Variants in RPRD2 observed in about 807,000 individuals in gnomAD.
RPRD2 encodes the protein regulation of nuclear pre-mRNA domain-containing protein 2.
RPRD2 carries 12 observed loss-of-function variants against 104.4 expected under a neutral mutation model. The observed-to-expected ratio is 0.11, with a 90% CI of 0.07 to 0.19. The LOEUF (loss-of-function observed/expected upper bound fraction) is 0.19, where lower values mean the gene tolerates loss of function less well. Among genes scored for constraint, RPRD2 ranks in the 10% least tolerant of loss-of-function variants. The pLI, the probability that RPRD2 is intolerant of heterozygous loss-of-function variation, is 1.00. For synonymous variants in RPRD2, 714 were observed against 684.9 expected, an observed-to-expected ratio of 1.04 and a Z score of -0.66; for missense variants, 1,543 against 1,790.1, an observed-to-expected ratio of 0.86 and a Z score of 2.49.
In RPRD2 at chr1:150,461,255, T is replaced by A. The variant is rs587599740; in HGVS notation, c.1411+938T>A. Among the ~76,000 whole-genome samples the A allele has an allele frequency of 2.0e-3, 310 of 151,372 alleles. 1 individual carries two copies. The highest frequency in any genetic ancestry group is 6.9e-3 in the Middle Eastern group (2 of 288). On this transcript the variant is annotated intron_variant, in intron 9 of 10. Coordinates refer to ENST00000369068, the MANE Select transcript of RPRD2 (RefSeq NM_015203.5). ...AATAAAAAATTTTAAATGAAAAAAA[T>A]TTTTTAATAAATATCTATAATCCTG...
Position 150,472,196 on chromosome 1 carries a change from C to G in RPRD2, c.3248C>G (p.Ala1083Gly). The G allele has an allele frequency of 6.2e-7, 1 of 1,613,926 alleles. No individual in the cohort carries two copies. Among genetic ancestry groups the G allele is most frequent in the Non-Finnish European group, 8.5e-7 (1 of 1,179,874 alleles). Reference sequence around the variant, plus strand: ...CCTGATAGCACAGAAGAAAAGGGGGCCCCTATAGAAACCTTGGGTTATCAC... The same window carrying G: ...CCTGATAGCACAGAAGAAAAGGGGGGCCCTATAGAAACCTTGGGTTATCAC... ...DLPDSTEEKG[A>G]PIETLGYHSA... Residue 1083 changes from alanine (A) to glycine (G), a missense_variant, in exon 11 of 11, where the codon GCC becomes GGC. Transcript: ENST00000369068.
At chr1:150,447,024 C>T (rs1198883617) in intron 7 of RPRD2, among the ~76,000 whole-genome samples, 1 of 151,732 alleles carries the variant, frequency 6.6e-6, no homozygotes, top group Admixed American at 6.6e-5. Context: ...TTAGTAGAGA[C>T]GAGGTTTCTC....
intron 1 of RPRD2, among the ~76,000 whole-genome samples, chr1:150,377,611 AAAC>A (rs1660815825): frequency 6.6e-6 from 1 of 152,064 alleles, no homozygotes; most frequent in East Asian, 1.9e-4. Context: ...AAAAAAAAAA[AAAC>A]ATTTAGTAAG....
intron 10 of RPRD2, among the ~76,000 whole-genome samples, chr1:150,466,635 TTA>T (rs1668302393): frequency 6.6e-6 from 1 of 152,034 alleles, no homozygotes; most frequent in East Asian, 1.9e-4. Flanking sequence ...ATTTTATTTA[TTA>T]TTTTATTAGA....
intron 2 of RPRD2, among the ~76,000 whole-genome samples, chr1:150,418,571 C>T (rs1664535882): frequency 6.6e-6 from 1 of 152,066 alleles, no homozygotes. Context: ...ACAGTGTATT[C>T]CTATGAAATG....
At chr1:150,457,139 A>G in intron 7 of RPRD2, 149 bp from the exon 8 acceptor site, 1 of 662,634 alleles carries the variant, frequency 1.5e-6, no homozygotes, top group Non-Finnish European at 2.5e-6. Context: ...TAGAAGGATC[A>G]CTTCAACCCA....
chr1:150,448,426 C>A (rs1666940088), intron 7 of RPRD2, among the ~76,000 whole-genome samples: 1 of 152,164 alleles, frequency 6.6e-6, no homozygotes, highest in Admixed American at 6.6e-5. Context: ...ACCTCAGCCT[C>A]TCAAAGTGAT....
chr1:150,389,679 G>A (rs1661913271), intron 1 of RPRD2, among the ~76,000 whole-genome samples: 3 of 152,102 alleles, frequency 2.0e-5, no homozygotes, highest in East Asian at 1.9e-4. Flanking sequence ...GAGTTATGCC[G>A]TCTACCTCCT....
chr1:150,389,533 T>C (rs1661901027), intron 1 of RPRD2, among the ~76,000 whole-genome samples: 1 of 152,180 alleles, frequency 6.6e-6, no homozygotes, highest in Admixed American at 6.5e-5. Flanking sequence ...GTCCATCCTA[T>C]CAACATGTTT....
At chr1:150,368,613 G>A (rs969692833) in intron 1 of RPRD2, among the ~76,000 whole-genome samples, 19 of 151,918 alleles carry the variant, frequency 1.3e-4, no homozygotes, top group Admixed American at 2.6e-4. Flanking sequence ...ACAGGCATGC[G>A]CCACCATGCC....
intron 5 of RPRD2, among the ~76,000 whole-genome samples, chr1:150,443,737 G>A (rs897673652): frequency 5.3e-5 from 8 of 152,116 alleles, no homozygotes; most frequent in Non-Finnish European, 8.8e-5. Flanking sequence ...TGGGCGCGGT[G>A]GCTCACGCCT....
rs1666366963 is a variant in RPRD2 at position 150,440,858 on chromosome 1, A to G, written c.336-65A>G. Reference sequence around the variant, plus strand: ...TAATTTTATTGATAACTTTATTTTCAGATTTCTAGTTTGGAGTAGAAGTCA... The same window carrying G: ...TAATTTTATTGATAACTTTATTTTCGGATTTCTAGTTTGGAGTAGAAGTCA... On this transcript the variant is annotated intron_variant, in intron 2 of 10. Coordinates refer to ENST00000369068, the MANE Select transcript of RPRD2 (RefSeq NM_015203.5). 7 of 767,112 alleles carry G rather than the reference A, an allele frequency of 9.1e-6. No individual in the cohort carries two copies. The South Asian group carries it at 1.2e-4, about 13-fold the overall frequency. The allele number at this position is 767,112 out of a possible 1,614,324, so 47.5% of individuals were successfully genotyped here.
Position 150,472,393 on chromosome 1 carries a change from G to T in RPRD2, c.3445G>T (p.Ala1149Ser). Residue 1149 changes from alanine (A) to serine (S), a missense_variant, in exon 11 of 11, where the codon GCA (alanine) becomes TCA (serine). This residue lies in a region of RPRD2 where 880 missense variants were observed against 885.6 expected (regional missense o/e 0.99). Transcript: ENST00000369068. ...DNGPSSASEL[A>S]SLGGGGSGGL... ...TGGCCCTTCAAGTGCCTCTGAGTTG[G>T]CATCCCTTGGGGGTGGGGGCAGCGG... 6.2e-7 allele frequency: 1 copy of T among 1,613,996 alleles called. No homozygotes were observed. Among genetic ancestry groups the T allele is most frequent in the Non-Finnish European group, 8.5e-7 (1 of 1,179,888 alleles).
intron 1 of RPRD2, among the ~76,000 whole-genome samples, chr1:150,398,517 C>A (rs1057237820): frequency 6.8e-6 from 1 of 147,206 alleles, no homozygotes; most frequent in Non-Finnish European, 1.5e-5. Flanking sequence ...ATTTTATTTC[C>A]TTCCTTCTTT....
rs1368797566 is a variant in RPRD2, at chr1:150,471,291, G to A, written c.2343G>A (p.Glu781=). Residue 781 remains glutamate, a synonymous_variant, in exon 11 of 11, where the codon GAG becomes GAA. Transcript: ENST00000369068. The surrounding 1 kb of genome is among the most constrained non-coding windows in gnomAD (Gnocchi z 5.3). The part of the protein sequence containing the change: ...PPGRDESYPR[E]LSNSVSTYRP... ...GGAGAGATGAAAGCTACCCCCGAGA[G>A]CTCTCCAATTCTGTATCTACATATC... is the stretch of plus-strand genomic sequence containing the variant. 2 of 1,613,772 alleles carry A rather than the reference G, an allele frequency of 1.2e-6. No individual in the cohort carries two copies. The highest frequency in any genetic ancestry group is 1.1e-5 in the South Asian group (1 of 91,050).
At chr1:150,455,331 G>A (rs1036968856) in intron 7 of RPRD2, among the ~76,000 whole-genome samples, 14 of 151,908 alleles carry the variant, frequency 9.2e-5, no homozygotes, top group East Asian at 1.9e-4. Flanking sequence ...GTGAAACCCC[G>A]TCTCTACTAA....
intron 2 of RPRD2, among the ~76,000 whole-genome samples, chr1:150,421,398 T>C (rs1664746313): frequency 6.6e-6 from 1 of 152,208 alleles, no homozygotes; most frequent in South Asian, 2.1e-4. Flanking sequence ...TAGGGTTTTT[T>C]GAAGGAAAAG....
intron 2 of RPRD2, among the ~76,000 whole-genome samples, chr1:150,427,994 CA>C (rs782262009): frequency 6.6e-6 from 1 of 151,688 alleles, no homozygotes; most frequent in Non-Finnish European, 1.5e-5. Context: ...TCTTAAGACA[CA>C]AAAAACTAAT....
intron 8 of RPRD2, among the ~76,000 whole-genome samples, chr1:150,458,621 T>C (rs1271561311): frequency 6.6e-6 from 1 of 152,178 alleles, no homozygotes; most frequent in African/African-American, 2.4e-5. Context: ...TTAAATTACA[T>C]GTGTCTGTTT....
Sources: allele counts gnomAD v4.1 joint callset (sites outside exome capture counted in the v4.1 genomes callset), GRCh38; gene constraint gnomAD v4.1.1; regional missense constraint gnomAD v4.1.1; non-coding constraint Gnocchi (gnomAD v3.1); transcripts MANE v1.5; gene names NCBI Gene and HGNC (gene_info 2026-07-23, HGNC 2026-07-21).